ASNSD1: variants seen among roughly 807,000 people sequenced by gnomAD.
ASNSD1 encodes the protein asparagine synthetase domain-containing protein 1.
Under a neutral mutation model 48.3 loss-of-function variants are expected in ASNSD1, and 36 were observed. The ratio of observed to expected loss-of-function variants is 0.75; its 90% CI spans 0.57 to 0.99. The LOEUF (loss-of-function observed/expected upper bound fraction) is 0.99, where lower values mean the gene tolerates loss of function less well. Ranked by LOEUF, ASNSD1 falls within the 50% of genes least tolerant of loss-of-function variation. The probability of loss-of-function intolerance (pLI) is 0.00; values close to 1 mark genes in which losing one functional copy is unlikely to be tolerated. For missense variants in ASNSD1, 714 were observed against 758.2 expected, an observed-to-expected ratio of 0.94 and a Z score of 0.69; for synonymous variants, 257 against 262.1, an observed-to-expected ratio of 0.98 and a Z score of 0.19.
intron 5 of ASNSD1, 142 bp downstream of exon 5, chr2:189,668,087 C>T: frequency 1.3e-6 from 1 of 755,186 alleles, no homozygotes; most frequent in Non-Finnish European, 2.1e-6. Flanking sequence ...GTATTATAAA[C>T]AAAGTCAGAA....
chr2:189,666,120 A>G lies in ASNSD1; in HGVS notation c.-13A>G, dbSNP rs150460673. The stretch of plus-strand genomic sequence containing the variant: ...CCAAAATCAAGAAATAGTCAACCTG[A>G]TTTCACATAACAATGTGTGGCATTT... On this transcript the variant is annotated 5_prime_UTR_variant, in exon 4 of 6. Coordinates refer to ENST00000260952, the MANE Select transcript of ASNSD1 (RefSeq NM_019048.4). The G allele has an allele frequency of 9.1e-4, 1,386 of 1,518,790 alleles. 19 individuals carry two copies. In the African/African-American group the frequency reaches 0.017, roughly 19 times the overall value. 94.1% of individuals were successfully genotyped at this position (1,518,790 alleles called of 1,614,324 possible). A position where few individuals can be genotyped will look rare whatever the true frequency, so the allele number is the denominator to read the frequency against.
At chr2:189,662,877 A>G (rs1161686525) in intron 1 of ASNSD1, among the ~76,000 whole-genome samples, 1 of 151,328 alleles carries the variant, frequency 6.6e-6, no homozygotes, top group Non-Finnish European at 1.5e-5. Flanking sequence ...GAGCCCGGGA[A>G]GATCAAAGCT....
At chr2:189,665,632 A>ATGTATATATG (rs1232367448) in intron 3 of ASNSD1, among the ~76,000 whole-genome samples, 181 bp downstream of exon 3, 1 of 90,010 alleles carries the variant, frequency 1.1e-5, no homozygotes, top group African/African-American at 3.9e-5. Context: ...ATATATATAT[A>ATGTATATATG]TATATATATA....
At chr2:189,664,888 A>G (rs975195312) in intron 2 of ASNSD1, among the ~76,000 whole-genome samples, 1 of 152,262 alleles carries the variant, frequency 6.6e-6, no homozygotes, top group Non-Finnish European at 1.5e-5. Context: ...GGAGAGAATC[A>G]TGGTAGTGCA....
chr2:189,667,647 C>T (rs1182020578), intron 4 of ASNSD1, 51 bp downstream of exon 4: 2 of 1,544,810 alleles, frequency 1.3e-6, no homozygotes, highest in African/African-American at 1.4e-5. Context: ...TATTTTTGAC[C>T]CTTAAAGCTT....
intron 2 of ASNSD1, among the ~76,000 whole-genome samples, chr2:189,665,160 T>C (rs2032756988): frequency 6.6e-6 from 1 of 152,172 alleles, no homozygotes; most frequent in South Asian, 2.1e-4. Flanking sequence ...AGTAAGAACC[T>C]TTTTTGTTAA....
Position 189,666,505 on chromosome 2 carries a change from CAAG to C in ASNSD1, c.374_376del (p.Gln125_Ala126delinsPro). The C allele has an allele frequency of 6.2e-7, 1 of 1,613,454 alleles. No individual in the cohort carries two copies. The highest frequency in any genetic ancestry group is 1.1e-5 in the South Asian group (1 of 90,984). ...AGGTCCCTGGTCATTTATATATTATCAAGCATCTAGTCATTATTTATGGTTTGG... is the reference window on the plus strand; with the variant it reads ...AGGTCCCTGGTCATTTATATATTATCCATCTAGTCATTATTTATGGTTTGG... On this transcript the variant is annotated inframe_deletion, in exon 4 of 6. Coordinates refer to ENST00000260952, the MANE Select transcript of ASNSD1 (RefSeq NM_019048.4).
rs1559034482 is a variant in ASNSD1, at chr2:189,665,624, A to ATATG, written c.-93+176_-93+177insGTAT. On this transcript the variant is annotated intron_variant, in intron 3 of 5. Transcript: ENST00000260952. The stretch of plus-strand genomic sequence containing the variant: ...TATATATATATATATATATATATAT[A>ATATG]TATATATATATATATATATATATTA... 3.7e-3 allele frequency among the ~76,000 whole-genome samples: 447 copies of ATATG among 121,770 alleles called. 10 individuals carry two copies. The highest frequency in any genetic ancestry group is 0.014 in the African/African-American group (421 of 30,092). The allele number at this position is 121,770 out of a possible 152,430, so 79.9% of individuals were successfully genotyped here. A position where few individuals can be genotyped will look rare whatever the true frequency, so the allele number is the denominator to read the frequency against.
Position 189,667,604 on chromosome 2 carries a change from A to G in ASNSD1, c.1464+8A>G, listed in dbSNP as rs1471260178. 2 of 1,579,356 alleles carry G rather than the reference A, an allele frequency of 1.3e-6. No homozygotes were observed. The highest frequency in any genetic ancestry group is 3.7e-5 in the Admixed American group (2 of 53,430). ...TATCAGAGCAATGCAAAGGTATGAC[A>G]CAGTGTTTCTTCTCCTGAGAATTCC... On this transcript the variant is annotated splice_region_variant and intron_variant, in intron 4 of 5. Transcript: ENST00000260952.
chr2:189,663,674 T>C (rs1380441676), intron 1 of ASNSD1, among the ~76,000 whole-genome samples: 5 of 152,208 alleles, frequency 3.3e-5, no homozygotes, highest in Non-Finnish European at 1.5e-5. Flanking sequence ...TACCTAACAT[T>C]TTGCAAGTCT....
intron 3 of ASNSD1, among the ~76,000 whole-genome samples, 178 bp downstream of exon 3, chr2:189,665,629 TA>T (rs2032781391): frequency 1.6e-5 from 2 of 127,568 alleles, no homozygotes; most frequent in Non-Finnish European, 1.6e-5. Context: ...TATATATATA[TA>T]TATATATATA....
chr2:189,669,050 A>G (rs1386428969), intron 5 of ASNSD1, among the ~76,000 whole-genome samples: 1 of 151,958 alleles, frequency 6.6e-6, no homozygotes, highest in Non-Finnish European at 1.5e-5. Context: ...AACATACTAC[A>G]CTTTCTCTCC....
rs201544132 is a variant in ASNSD1, at chr2:189,667,882, G to C, written c.1583G>C (p.Arg528Pro). 10 of 1,613,958 alleles carry C rather than the reference G, an allele frequency of 6.2e-6. No homozygotes were observed. The highest frequency in any genetic ancestry group is 5.0e-5 in the Admixed American group (3 of 59,954). Residue 528 changes from arginine (R) to proline (P), a missense_variant, in exon 5 of 6, where the codon CGA becomes CCA. Arg to Pro is a moderately radical substitution (Grantham distance 103, BLOSUM62 -2). Coordinates refer to ENST00000260952, the MANE Select transcript of ASNSD1 (RefSeq NM_019048.4). ...AAGGAAATAATGATGGAACTGGGTC[G>C]AATTTCTTCTAGAAATCTTGGTCGT... ...LNKEIMMELGRISSRNLGRDD... is the reference protein window; with the variant it reads ...LNKEIMMELGPISSRNLGRDD...
chr2:189,667,638 AT>A, intron 4 of ASNSD1, 42 bp downstream of exon 4: 1 of 1,551,226 alleles, frequency 6.4e-7, no homozygotes, highest in Non-Finnish European at 8.7e-7. Context: ...CCTGAGACCT[AT>A]TTTTGACCCT....
intron 5 of ASNSD1, among the ~76,000 whole-genome samples, chr2:189,668,976 G>T (rs1340682540): frequency 6.6e-6 from 1 of 152,166 alleles, no homozygotes; most frequent in Non-Finnish European, 1.5e-5. Context: ...TGATTAAGTG[G>T]TAGTTTATTA....
chr2:189,664,466 A>G (rs1439097318), intron 2 of ASNSD1, among the ~76,000 whole-genome samples: 1 of 152,256 alleles, frequency 6.6e-6, no homozygotes, highest in Non-Finnish European at 1.5e-5. Flanking sequence ...GTATGGTTAT[A>G]GTGTCAAATT....
chr2:189,666,657 A>G lies in ASNSD1; in HGVS notation c.525A>G (p.Ala175=). 6.2e-7 allele frequency: 1 copy of G among 1,614,140 alleles called. No homozygotes were observed. Among genetic ancestry groups the G allele is most frequent in the Non-Finnish European group, 8.5e-7 (1 of 1,180,006 alleles). Residue 175 remains alanine (A), a synonymous_variant, in exon 4 of 6, where the codon GCA becomes GCG. Coordinates refer to ENST00000260952, the MANE Select transcript of ASNSD1 (RefSeq NM_019048.4). ...CAAATCAGTGGCAAGAAGTTCCAGCATCTGGACTTTTCAGAATTGATCTTA... is the reference window on the plus strand; with the variant it reads ...CAAATCAGTGGCAAGAAGTTCCAGCGTCTGGACTTTTCAGAATTGATCTTA... ...GLANQWQEVP[A]SGLFRIDLKS... is the part of the protein sequence containing the mutation.
Position 189,666,964 on chromosome 2 carries a change from C to T in ASNSD1, c.832C>T (p.His278Tyr). 6.2e-7 allele frequency: 1 copy of T among 1,614,108 alleles called. No individual in the cohort carries two copies. Among genetic ancestry groups the T allele is most frequent in the Non-Finnish European group, 8.5e-7 (1 of 1,180,018 alleles). ...ACTTCAAGTCTTTCTTACTGATGTA[C>T]ACATGAAGGAAGTAATTCAGCAGTT... ...EILQVFLTDV[H>Y]MKEVIQQFID... The change falls in exon 4 of 6, where the codon CAC (histidine) becomes TAC (tyrosine). Residue 278 changes from histidine (H) to tyrosine (Y), a missense_variant. Physicochemically the swap from His to Tyr is moderately conservative, Grantham distance 83. Coordinates refer to ENST00000260952, the MANE Select transcript of ASNSD1 (RefSeq NM_019048.4).
chr2:189,662,485 CA>C (rs763332155), intron 1 of ASNSD1, among the ~76,000 whole-genome samples: 2 of 152,174 alleles, frequency 1.3e-5, no homozygotes, highest in Non-Finnish European at 2.9e-5. Context: ...AGAATGTTTA[CA>C]AATTTGGCCT....
Sources: gnomAD v4.1 joint callset for allele counts (sites outside exome capture counted in the v4.1 genomes callset) on GRCh38, gnomAD v4.1.1 for gene constraint, MANE v1.5 for transcripts, NCBI Gene and HGNC (gene_info 2026-07-23, HGNC 2026-07-21) for gene names.